The following KIF16B variants were observed in gnomAD, a reference collection of about 807,000 sequenced individuals.
The protein encoded by KIF16B is kinesin family member 16B, also known as kinesin-like protein KIF16B.
In KIF16B, 98 loss-of-function variants were observed where a neutral mutation model predicts 156.3. The ratio of observed to expected loss-of-function variants is 0.63; its 90% CI spans 0.53 to 0.74. KIF16B has a LOEUF of 0.74. Ranked by LOEUF, KIF16B falls within the 30% of genes least tolerant of loss-of-function variation. The pLI, the probability that KIF16B is intolerant of heterozygous loss-of-function variation, is 0.00. For synonymous variants in KIF16B, 564 were observed against 583.7 expected (o/e 0.97, Z 0.49); for missense variants, 1,421 against 1,606.5 (o/e 0.88, Z 1.97).
At chr20:16,284,962 C>T (rs1390981150) in intron 25 of KIF16B, among the ~76,000 whole-genome samples, 6 of 152,292 alleles carry the variant, frequency 3.9e-5, no homozygotes, top group East Asian at 3.9e-4. Context: ...GTGCCCAGTA[C>T]GAAGCATCCC....
rs1264021353 is a variant in KIF16B at position 16,379,333 on chromosome 20, TGAG to T, written c.2666_2668del (p.Pro889del). On this transcript the variant is annotated inframe_deletion, in exon 19 of 26. Transcript: ENST00000354981. ...CACTGGCTTTATTTTCTCGAAATCTTGAGGCACTTCCGTGACATCTGTGACACT... is the reference window on the plus strand; with the variant it reads ...CACTGGCTTTATTTTCTCGAAATCTTGCACTTCCGTGACATCTGTGACACT... 21 of 1,606,596 alleles carry T rather than the reference TGAG, an allele frequency of 1.3e-5. No individual in the cohort carries two copies. Among genetic ancestry groups the T allele is most frequent in the Non-Finnish European group, 1.7e-5 (20 of 1,177,118 alleles).
intron 12 of KIF16B, among the ~76,000 whole-genome samples, chr20:16,448,390 C>CT (rs1204605699): frequency 3.9e-5 from 6 of 152,146 alleles, no homozygotes; most frequent in African/African-American, 1.4e-4. Context: ...TAAGCCTTTC[C>CT]TTATGAGAAA....
chr20:16,471,281 G>T (rs1337355355), intron 12 of KIF16B, among the ~76,000 whole-genome samples: 1 of 152,082 alleles, frequency 6.6e-6, no homozygotes, highest in African/African-American at 2.4e-5. Flanking sequence ...CCTTGATTTG[G>T]GAAGCATAAA....
intron 5 of KIF16B, 106 bp from the exon 6 acceptor site, chr20:16,511,633 A>G: frequency 1.5e-6 from 1 of 657,142 alleles, no homozygotes; most frequent in Non-Finnish European, 2.7e-6. Context: ...CCACAGCAGC[A>G]GTTACCATTT....
chr20:16,285,768 T>C (rs1019216961), intron 25 of KIF16B, among the ~76,000 whole-genome samples: 2 of 152,124 alleles, frequency 1.3e-5, no homozygotes, highest in Admixed American at 6.6e-5. Context: ...AGTTGAGCCA[T>C]GATCATGCCA....
chr20:16,500,776 T>C (rs2068598858), intron 10 of KIF16B, among the ~76,000 whole-genome samples: 1 of 152,192 alleles, frequency 6.6e-6, no homozygotes, highest in African/African-American at 2.4e-5. Flanking sequence ...ATCTGAGATG[T>C]GTCTTCTTTA....
At chr20:16,539,930 G>A (rs1486798960) in intron 1 of KIF16B, among the ~76,000 whole-genome samples, 1 of 152,176 alleles carries the variant, frequency 6.6e-6, no homozygotes, top group African/African-American at 2.4e-5. Context: ...TCTAAAGAGT[G>A]ACTTATTTAC....
At chr20:16,319,769 A>G (rs1225570525) in intron 24 of KIF16B, among the ~76,000 whole-genome samples, 4 of 152,152 alleles carry the variant, frequency 2.6e-5, no homozygotes, top group Admixed American at 2.6e-4. Flanking sequence ...CTCACTGTGA[A>G]GTTGGATTCT....
At chr20:16,435,885 C>G (rs1379655856) in intron 12 of KIF16B, among the ~76,000 whole-genome samples, 1 of 152,046 alleles carries the variant, frequency 6.6e-6, no homozygotes, top group Non-Finnish European at 1.5e-5. Flanking sequence ...TACAATCTTT[C>G]TTTTTTCATC....
chr20:16,404,776 G>T (rs1352520588), intron 17 of KIF16B, 37 bp downstream of exon 17: 2 of 1,475,634 alleles, frequency 1.4e-6, no homozygotes, highest in South Asian at 1.1e-5. Context: ...ATGCAAAAGT[G>T]ATCATCACAG....
intron 3 of KIF16B, among the ~76,000 whole-genome samples, chr20:16,516,667 C>A (rs1191030091): frequency 6.6e-6 from 1 of 152,184 alleles, no homozygotes; most frequent in Non-Finnish European, 1.5e-5. Flanking sequence ...ATGAGTGACA[C>A]CACATCAGCC....
chr20:16,424,908 G>T (rs939802137), intron 15 of KIF16B, among the ~76,000 whole-genome samples: 3 of 152,092 alleles, frequency 2.0e-5, no homozygotes, highest in Non-Finnish European at 4.4e-5. Context: ...TATTGGGTTG[G>T]GATTAGAAGT....
At chr20:16,527,981 A>G (rs548734295) in intron 2 of KIF16B, among the ~76,000 whole-genome samples, 31 of 152,228 alleles carry the variant, frequency 2.0e-4, no homozygotes, top group African/African-American at 6.3e-4. Context: ...AAGGATTACC[A>G]AACATGATCC....
rs60329513 is a variant in KIF16B, at chr20:16,355,026, GT to G, written c.3621+1303del. ...CCTCAAATATATAAACTGATGCCCT[GT>G]TTTTTTTTTTCTTTTCTAACGGAAA... On this transcript the variant is annotated intron_variant, in intron 23 of 25. Coordinates refer to ENST00000354981, the MANE Select transcript of KIF16B (RefSeq NM_024704.5). 7.9e-3 allele frequency among the ~76,000 whole-genome samples: 1,167 copies of G among 147,180 alleles called. 12 individuals are homozygous for G. The highest frequency in any genetic ancestry group is 0.025 in the African/African-American group (995 of 40,348).
In KIF16B at chr20:16,379,041, C is replaced by T. The variant is rs1345536812; in HGVS notation, c.2961G>A (p.Arg987=). The change falls in exon 19 of 26, where the codon AGG becomes AGA. Residue 987 remains arginine, a synonymous_variant. Coordinates refer to ENST00000354981, the MANE Select transcript of KIF16B (RefSeq NM_024704.5). The stretch of plus-strand genomic sequence containing the variant: ...ACTCCAAAATCTCCTTTTCCTTTTT[C>T]CTCACTTTTTCCTCCTGACGTGCAA... The part of the protein sequence containing the change: ...ANIARQEEKV[R]KKEKEILESR... 2.5e-6 allele frequency: 4 copies of T among 1,610,070 alleles called. No individual in the cohort carries two copies. Among genetic ancestry groups the T allele is most frequent in the African/African-American group, 2.7e-5 (2 of 74,554 alleles).
chr20:16,421,384 C>T (rs1159578500), intron 15 of KIF16B, among the ~76,000 whole-genome samples: 1 of 151,964 alleles, frequency 6.6e-6, no homozygotes, highest in Non-Finnish European at 1.5e-5. Context: ...CTGATATAAC[C>T]CCCTCCTTCT....
chr20:16,279,765 C>T (rs1277598602), intron 25 of KIF16B, among the ~76,000 whole-genome samples: 4 of 152,180 alleles, frequency 2.6e-5, no homozygotes, highest in African/African-American at 9.7e-5. Context: ...ACACATAGCC[C>T]AATCTTTAAA....
intron 17 of KIF16B, among the ~76,000 whole-genome samples, chr20:16,386,664 G>A (rs555328182): frequency 6.6e-6 from 1 of 151,774 alleles, no homozygotes; most frequent in Non-Finnish European, 1.5e-5. Flanking sequence ...GAAAAAATGG[G>A]AAGAGGCTGG....
At chr20:16,440,308 G>A (rs763597784) in intron 12 of KIF16B, among the ~76,000 whole-genome samples, 1 of 151,870 alleles carries the variant, frequency 6.6e-6, no homozygotes, top group Non-Finnish European at 1.5e-5. Context: ...TAGTTAATAT[G>A]GCCAGAATAA....
Sources: allele counts gnomAD v4.1 joint callset (sites outside exome capture counted in the v4.1 genomes callset), GRCh38; gene constraint gnomAD v4.1.1; transcripts MANE v1.5; gene names NCBI Gene and HGNC (gene_info 2026-07-23, HGNC 2026-07-21).